BCAR3: variants seen among roughly 807,000 people sequenced by gnomAD.
BCAR3 encodes the protein breast cancer anti-estrogen resistance protein 3.
In BCAR3, 37 loss-of-function variants were observed where a neutral mutation model predicts 80.1. That is an observed-to-expected ratio of 0.46 (90% CI 0.36 to 0.61). BCAR3 has a LOEUF of 0.61. BCAR3 is among the 20% of genes least tolerant of loss of function. The pLI is 0.00. For missense variants in BCAR3, 978 were observed against 1,068.2 expected (o/e 0.92, Z 1.18); for synonymous variants, 389 against 418.9 (o/e 0.93, Z 0.87).
intron 2 of BCAR3, among the ~76,000 whole-genome samples, chr1:93,796,388 C>T (rs549953947): frequency 5.5e-5 from 8 of 144,996 alleles, no homozygotes; most frequent in African/African-American, 1.9e-4. Context: ...GTCTGAAAAG[C>T]GCAATATTCG....
At chr1:93,604,051 G>A (rs1370074591) in intron 3 of BCAR3, among the ~76,000 whole-genome samples, 6 of 152,104 alleles carry the variant, frequency 3.9e-5, no homozygotes, top group South Asian at 2.1e-4. Flanking sequence ...TCTCCCTTTC[G>A]GCAAAGATTC....
intron 2 of BCAR3, among the ~76,000 whole-genome samples, chr1:93,728,749 C>T (rs1173901982): frequency 2.6e-5 from 4 of 152,168 alleles, no homozygotes; most frequent in Admixed American, 1.3e-4. Context: ...CTCTTGACAT[C>T]GAGCCACTTG....
intron 2 of BCAR3, among the ~76,000 whole-genome samples, chr1:93,785,131 G>A (rs868037286): frequency 1.3e-5 from 2 of 152,298 alleles, no homozygotes; most frequent in Middle Eastern, 3.4e-3. Context: ...ACAAGAAACA[G>A]CAACCTGATG....
At chr1:93,778,735 C>T (rs1043776275) in intron 2 of BCAR3, among the ~76,000 whole-genome samples, 2 of 152,282 alleles carry the variant, frequency 1.3e-5, no homozygotes, top group Non-Finnish European at 1.5e-5. Context: ...CTACTTTTCT[C>T]CAACCCTTCT....
chr1:93,654,141 A>G (rs957523834), intron 2 of BCAR3, among the ~76,000 whole-genome samples: 3 of 152,132 alleles, frequency 2.0e-5, no homozygotes, highest in African/African-American at 7.2e-5. Flanking sequence ...ACAGCCCCCC[A>G]AAATTCCTAT....
At chr1:93,685,306 T>C (rs1402734870), upstream of BCAR3, among the ~76,000 whole-genome samples, 1 of 152,128 alleles carries the variant, frequency 6.6e-6, no homozygotes, top group Non-Finnish European at 1.5e-5. Flanking sequence ...AAATAAGTAC[T>C]GCTATTAGTA....
At chr1:93,714,805 T>G (rs190863945) in intron 2 of BCAR3, among the ~76,000 whole-genome samples, 1 of 152,288 alleles carries the variant, frequency 6.6e-6, no homozygotes, top group East Asian at 1.9e-4. Context: ...ATAAATTAAT[T>G]AAAAACCTAA....
At chr1:93,842,386 A>G (rs1323528504) in intron 2 of BCAR3, among the ~76,000 whole-genome samples, 1 of 152,102 alleles carries the variant, frequency 6.6e-6, no homozygotes, top group Non-Finnish European at 1.5e-5. Flanking sequence ...TCCTGAGCTC[A>G]GGCAATCCAC....
intron 9 of BCAR3, chr1:93,568,134 C>T (rs976198017): frequency 2.6e-5 from 8 of 311,112 alleles, no homozygotes; most frequent in Middle Eastern, 1.1e-3. Flanking sequence ...TGCAATGAGC[C>T]AAGATCATGC....
intron 2 of BCAR3, among the ~76,000 whole-genome samples, chr1:93,741,643 A>G (rs1651179263): frequency 6.6e-6 from 1 of 152,130 alleles, no homozygotes; most frequent in Non-Finnish European, 1.5e-5. Context: ...CTATCGGCTC[A>G]CTGCAACCTC....
Position 93,592,176 on chromosome 1 carries a change from G to A in BCAR3, c.486+89C>T. On this transcript the variant is annotated intron_variant, in intron 4 of 11. Coordinates refer to ENST00000260502, the MANE Select transcript of BCAR3 (RefSeq NM_003567.4). The surrounding 1 kb of genome is among the most constrained non-coding windows in gnomAD (Gnocchi z 4.8). ...TGGTTACACAGGTGCTTCCGCCCAT[G>A]TGGCCTCGGAGTGGGACCCTGCGGG... is the stretch of plus-strand genomic sequence containing the variant. The A allele has an allele frequency of 8.3e-6, 13 of 1,559,416 alleles. No individual in the cohort carries two copies. The highest frequency in any genetic ancestry group is 1.9e-5 in the Admixed American group (1 of 52,592).
rs1264139732 is a variant in BCAR3 at position 93,795,476 on chromosome 1, G to A, written c.-63+50091C>T. On this transcript the variant is annotated intron_variant, in intron 2 of 13. Coordinates refer to the BCAR3 transcript ENST00000370244. ...CTCCTGAGGCTTCTGCATTCTTCACGTAGTTCTCGAGCCTTGGTTTTCAGC... is the reference window on the plus strand; with the variant it reads ...CTCCTGAGGCTTCTGCATTCTTCACATAGTTCTCGAGCCTTGGTTTTCAGC... Among the ~76,000 whole-genome samples the A allele has an allele frequency of 7.7e-5, 5 of 65,048 alleles. No homozygotes were observed. The East Asian group carries it at 1.6e-3, about 20-fold the overall frequency. The allele number at this position is 65,048 out of a possible 152,430, so 42.7% of individuals were successfully genotyped here.
rs376886380 is a variant in BCAR3, at chr1:93,589,249, G to A, written c.657C>T (p.Phe219=). ...SEAYSRVQYQ[F]EMESFDSIPG... ...GGATGGAGTCGAAGCTCTCCATCTC[G>A]AACTGGTACTGCACGCGGCTGTAGG... is the stretch of plus-strand genomic sequence containing the variant. The change falls in exon 5 of 12, where the codon TTC becomes TTT. Residue 219 remains phenylalanine (F), a synonymous_variant. Coordinates refer to ENST00000260502, the MANE Select transcript of BCAR3 (RefSeq NM_003567.4). 6.8e-6 allele frequency: 11 copies of A among 1,614,068 alleles called. No homozygotes were observed. Among genetic ancestry groups the A allele is most frequent in the Middle Eastern group, 1.6e-4 (1 of 6,082 alleles).
rs1445317270 is a variant in BCAR3 at position 93,589,372 on chromosome 1, G to C, written c.534C>G (p.Asp178Glu). The C allele has an allele frequency of 5.6e-6, 9 of 1,613,794 alleles. No homozygotes were observed. Among genetic ancestry groups the C allele is most frequent in the Non-Finnish European group, 7.6e-6 (9 of 1,180,022 alleles). Residue 178 changes from aspartate to glutamate, a missense_variant, in exon 5 of 12, where the codon GAC (aspartate) becomes GAG (glutamate). By Grantham distance (45) the Asp-to-Glu change is conservative. Transcript: ENST00000260502. ...VQRDGDFLVRDSLSSPGNFVL... is the reference protein window; with the variant it reads ...VQRDGDFLVRESLSSPGNFVL... The stretch of plus-strand genomic sequence containing the variant: ...CAAAGTTCCCAGGGCTGGACAGAGA[G>C]TCACGAACTAGGAAGTCACCATCTC...
intron 2 of BCAR3, among the ~76,000 whole-genome samples, chr1:93,661,054 T>C (rs1647627998): frequency 6.6e-6 from 1 of 151,826 alleles, no homozygotes; most frequent in African/African-American, 2.4e-5. Context: ...TTTCTTTTTT[T>C]TTGAGATGGA....
At chr1:93,804,235 C>A (rs1653587911) in intron 2 of BCAR3, among the ~76,000 whole-genome samples, 1 of 152,212 alleles carries the variant, frequency 6.6e-6, no homozygotes, top group Non-Finnish European at 1.5e-5. Flanking sequence ...GTAGGCCTAG[C>A]TTCTATTACC....
intron 3 of BCAR3, among the ~76,000 whole-genome samples, chr1:93,610,499 A>AACC (rs1674915402): frequency 2.0e-5 from 3 of 152,214 alleles, no homozygotes; most frequent in African/African-American, 7.2e-5. Flanking sequence ...AAACAACAAC[A>AACC]TCAAAAACAA....
At chr1:93,832,102 G>A (rs2179906) in intron 2 of BCAR3, among the ~76,000 whole-genome samples, 31 of 152,154 alleles carry the variant, frequency 2.0e-4, no homozygotes, top group South Asian at 6.2e-4. Context: ...AAAAAGCTCC[G>A]TAAATTAGAT....
chr1:93,713,657 G>T (rs1650101465), intron 2 of BCAR3, among the ~76,000 whole-genome samples: 2 of 152,152 alleles, frequency 1.3e-5, no homozygotes, highest in Non-Finnish European at 2.9e-5. Context: ...CCCCCTTCAA[G>T]ATTTCTAGAA....
Sources: gnomAD v4.1 joint callset for allele counts (sites outside exome capture counted in the v4.1 genomes callset) on GRCh38, gnomAD v4.1.1 for gene constraint, Gnocchi (gnomAD v3.1) non-coding constraint, MANE v1.5 for transcripts, NCBI Gene and HGNC (gene_info 2026-07-23, HGNC 2026-07-21) for gene names.